The following NIPBL variants were observed in gnomAD, a reference collection of about 807,000 sequenced individuals.
The protein encoded by NIPBL is nipped-B-like protein.
Under a neutral mutation model 321.8 loss-of-function variants are expected in NIPBL, and 19 were observed. The observed-to-expected ratio is 0.06, with a 90% CI of 0.04 to 0.09. The LOEUF (loss-of-function observed/expected upper bound fraction) is 0.09. Ranked by LOEUF, NIPBL falls within the 10% of genes least tolerant of loss-of-function variation. The pLI, the probability that NIPBL is intolerant of heterozygous loss-of-function variation, is 1.00. For synonymous variants in NIPBL, 1,106 were observed against 1,114.1 expected (o/e 0.99, Z 0.14); for missense variants, 2,210 against 3,327.0 (o/e 0.66, Z 8.26).
intron 21 of NIPBL, among the ~76,000 whole-genome samples, 173 bp downstream of exon 21, chr5:37,010,398 C>T (rs1237407180): frequency 1.3e-5 from 2 of 152,176 alleles, no homozygotes; most frequent in Admixed American, 1.3e-4. Flanking sequence ...TCACTGCAAC[C>T]TCTGCCTCCC....
At chr5:37,059,778 C>A (rs1024326867) in intron 44 of NIPBL, among the ~76,000 whole-genome samples, 1 of 152,104 alleles carries the variant, frequency 6.6e-6, no homozygotes, top group Non-Finnish European at 1.5e-5. Flanking sequence ...TTTTAAAGAG[C>A]TCTGAAGTAA....
intron 1 of NIPBL, among the ~76,000 whole-genome samples, chr5:36,923,529 T>C (rs2069049346): frequency 6.6e-6 from 1 of 152,218 alleles, no homozygotes; most frequent in African/African-American, 2.4e-5. Context: ...AGTTTCCTGC[T>C]TTTATATACA....
At chr5:36,986,699 A>G (rs1253050826) in intron 10 of NIPBL, among the ~76,000 whole-genome samples, 5 of 152,218 alleles carry the variant, frequency 3.3e-5, no homozygotes, top group South Asian at 2.1e-4. Flanking sequence ...GTCTGAGCCA[A>G]TTATTGATGA....
At chr5:36,879,384 T>C (rs970225806) in intron 1 of NIPBL, among the ~76,000 whole-genome samples, 5 of 152,242 alleles carry the variant, frequency 3.3e-5, no homozygotes, top group South Asian at 2.1e-4. Flanking sequence ...GTGAGTAATA[T>C]AGGTTGTGTG....
chr5:37,064,637 T>C lies in NIPBL; in HGVS notation c.8160T>C (p.Asp2720=). Residue 2720 remains aspartate, a synonymous_variant, in exon 47 of 47, where the codon GAT becomes GAC. Coordinates refer to ENST00000282516, the MANE Select transcript of NIPBL (RefSeq NM_133433.4). ...VIAICCPKYK[D]RPQIARVVQK... ...CTATTTGCTGTCCAAAGTACAAAGA[T>C]CGACCACAAATTGCAAGAGTAGTGC... 1 of 1,614,164 alleles carries C rather than the reference T, an allele frequency of 6.2e-7. No individual in the cohort carries two copies. The highest frequency in any genetic ancestry group is 8.5e-7 in the Non-Finnish European group (1 of 1,180,038).
chr5:36,905,706 TAAG>T (rs1230930268), intron 1 of NIPBL, among the ~76,000 whole-genome samples: 3 of 152,052 alleles, frequency 2.0e-5, no homozygotes, highest in East Asian at 1.9e-4. Flanking sequence ...ATCTAAAAAA[TAAG>T]AAAGTCAAAG....
At chr5:36,907,236 A>G (rs1200632223) in intron 1 of NIPBL, among the ~76,000 whole-genome samples, 2 of 152,126 alleles carry the variant, frequency 1.3e-5, no homozygotes, top group African/African-American at 2.4e-5. Flanking sequence ...AATTTCCTAT[A>G]TAGACTTAGT....
chr5:36,919,196 A>C (rs958432195), intron 1 of NIPBL, among the ~76,000 whole-genome samples: 7 of 152,148 alleles, frequency 4.6e-5, no homozygotes, highest in Non-Finnish European at 1.5e-5. Context: ...CATTTTTGTA[A>C]AAATTATTCC....
At chr5:36,935,703 CAG>C (rs1463337666) in intron 1 of NIPBL, among the ~76,000 whole-genome samples, 1 of 152,122 alleles carries the variant, frequency 6.6e-6, no homozygotes, top group Non-Finnish European at 1.5e-5. Context: ...CTTAAAACAA[CAG>C]AGATTTATTC....
chr5:36,995,410 AGTCATTACATAATTAT>A (rs1746023502), intron 10 of NIPBL, 196 bp from the exon 11 acceptor site: 1 of 412,196 alleles, frequency 2.4e-6, no homozygotes, highest in South Asian at 4.6e-5. Context: ...ATGTTTTTAA[AGTCATTACATAATTAT>A]ATGTATATAT....
At position 36,996,090 on chromosome 5, in the gene NIPBL, C is replaced by T. The variant is rs1746116575; in HGVS notation, c.3304+286C>T. ...TTGAGCTCCTATTATATGCTAGACA[C>T]TGAGAGTAAAAATGCAAATAAGATA... On this transcript the variant is annotated intron_variant, in intron 11 of 46. Coordinates refer to ENST00000282516, the MANE Select transcript of NIPBL (RefSeq NM_133433.4). The surrounding 1 kb of genome is among the most constrained non-coding windows in gnomAD (Gnocchi z 5.0). Among the ~76,000 whole-genome samples the T allele has an allele frequency of 6.6e-6, 1 of 152,160 alleles. No homozygotes were observed. Among genetic ancestry groups the T allele is most frequent in the Admixed American group, 6.5e-5 (1 of 15,274 alleles).
chr5:36,886,971 T>C (rs1029011288), intron 1 of NIPBL, among the ~76,000 whole-genome samples: 1 of 152,202 alleles, frequency 6.6e-6, no homozygotes, highest in Non-Finnish European at 1.5e-5. Context: ...TTGTTAACTT[T>C]GGTGAAGCTC....
At chr5:37,048,310 T>C (rs1319859759) in intron 38 of NIPBL, among the ~76,000 whole-genome samples, 192 bp from the exon 39 acceptor site, 1 of 152,218 alleles carries the variant, frequency 6.6e-6, no homozygotes, top group Non-Finnish European at 1.5e-5. Flanking sequence ...AATTTCTTGT[T>C]TTTAATTCAT....
At chr5:36,944,660 C>T (rs1172632125) in intron 1 of NIPBL, among the ~76,000 whole-genome samples, 3 of 151,994 alleles carry the variant, frequency 2.0e-5, no homozygotes, top group Non-Finnish European at 2.9e-5. Flanking sequence ...CAAAAAACCA[C>T]ACACTTCAGG....
chr5:36,899,349 T>C (rs926582534), intron 1 of NIPBL, among the ~76,000 whole-genome samples: 4 of 152,204 alleles, frequency 2.6e-5, no homozygotes, highest in African/African-American at 4.8e-5. Context: ...AAAAAAAGTG[T>C]AATGTGATTG....
intron 25 of NIPBL, 97 bp from the exon 26 acceptor site, chr5:37,020,362 A>G (rs1028540513): frequency 1.2e-6 from 1 of 839,140 alleles, no homozygotes; most frequent in Non-Finnish European, 2.0e-6. Context: ...GTAAACTTTA[A>G]TATTTGTATT....
rs1748457696 is a variant in NIPBL at position 37,013,333 on chromosome 5, GCC to G, written c.4561-1349_4561-1348del. Among the ~76,000 whole-genome samples the G allele has an allele frequency of 2.0e-5, 3 of 150,972 alleles. No homozygotes were observed. In the South Asian group the frequency reaches 6.3e-4, roughly 32 times the overall value. ...ACCTCCCTCCCGGACGGGGCGGCTGGCCGGGCGGGGGGCTGACCCCCCCACCT... is the reference window on the plus strand; with the variant it reads ...ACCTCCCTCCCGGACGGGGCGGCTGGGGGCGGGGGGCTGACCCCCCCACCT... On this transcript the variant is annotated intron_variant, in intron 21 of 46. Transcript: ENST00000282516.
chr5:36,884,795 T>C (rs1341807081), intron 1 of NIPBL, among the ~76,000 whole-genome samples: 1 of 152,200 alleles, frequency 6.6e-6, no homozygotes, highest in Non-Finnish European at 1.5e-5. Flanking sequence ...AAAATATAAT[T>C]TTCTTAGGTA....
intron 1 of NIPBL, among the ~76,000 whole-genome samples, chr5:36,895,597 A>T (rs1188610345): frequency 2.0e-5 from 3 of 152,124 alleles, no homozygotes; most frequent in African/African-American, 7.2e-5. Flanking sequence ...TGAAGGTTAG[A>T]CTGTCTTTAC....
Sources: gnomAD v4.1 joint callset for allele counts (sites outside exome capture counted in the v4.1 genomes callset) on GRCh38, gnomAD v4.1.1 for gene constraint, Gnocchi (gnomAD v3.1) non-coding constraint, MANE v1.5 for transcripts, NCBI Gene and HGNC (gene_info 2026-07-23, HGNC 2026-07-21) for gene names.